The following FBXL13 variants were observed in gnomAD, a reference collection of about 807,000 sequenced individuals.
FBXL13 encodes F-box and leucine-rich repeat protein 13.
Under a neutral mutation model 83.6 loss-of-function variants are expected in FBXL13, and 67 were observed. That is an observed-to-expected ratio of 0.80 (90% confidence interval 0.66 to 0.98). The LOEUF (loss-of-function observed/expected upper bound fraction) is 0.98, where lower values mean the gene tolerates loss of function less well. FBXL13 is among the 50% of genes least tolerant of loss of function. The probability of loss-of-function intolerance (pLI) is 0.00; values close to 1 mark genes in which losing one functional copy is unlikely to be tolerated. For synonymous variants in FBXL13, 272 were observed against 299.5 expected (o/e 0.91, Z 0.95); for missense variants, 822 against 866.5 (o/e 0.95, Z 0.64).
At chr7:102,977,482 G>A (rs1827638606) in intron 6 of FBXL13, among the ~76,000 whole-genome samples, 1 of 152,130 alleles carries the variant, frequency 6.6e-6, no homozygotes, top group Non-Finnish European at 1.5e-5. Flanking sequence ...GTCCAAACCT[G>A]GAAAGGATGG....
intron 6 of FBXL13, among the ~76,000 whole-genome samples, chr7:103,009,713 A>C (rs1442152244): frequency 6.6e-6 from 1 of 152,168 alleles, no homozygotes; most frequent in Non-Finnish European, 1.5e-5. Flanking sequence ...TCCTTGCTGG[A>C]CAGGGCTAGG....
At chr7:102,934,239 G>T (rs760247467) in intron 8 of FBXL13, 2 of 1,614,178 alleles carry the variant, frequency 1.2e-6, no homozygotes, top group Non-Finnish European at 1.7e-6. Context: ...AAGCTGAAAA[G>T]CCTGGATCTG....
Position 102,880,294 on chromosome 7 carries a change from TAAAATCTTA to T in FBXL13, c.1389-1853_1389-1845del, listed in dbSNP as rs528199413. On this transcript the variant is annotated intron_variant, in intron 14 of 19. Coordinates refer to ENST00000313221, the Ensembl canonical transcript of FBXL13. ...AGGTTTAACTCTTATATGTACATAT[TAAAATCTTA>T]AAACTCTGAAATTAAGCTTAATCTT... Among the ~76,000 whole-genome samples, 30 of 152,350 alleles carry T rather than the reference TAAAATCTTA, an allele frequency of 2.0e-4. No homozygotes were observed. In the East Asian group the frequency reaches 5.6e-3, roughly 28 times the overall value.
At chr7:102,865,714 G>GTT (rs1004085694) in intron 16 of FBXL13, among the ~76,000 whole-genome samples, 2 of 143,040 alleles carry the variant, frequency 1.4e-5, no homozygotes, top group Admixed American at 7.0e-5. Flanking sequence ...GCTAATTTTT[G>GTT]TTTTTTTTTT....
chr7:102,822,095 T>C (rs771900185), exon 19 of FBXL13: 1 of 1,614,230 alleles, frequency 6.2e-7, no homozygotes, highest in South Asian at 1.1e-5. Context: ...TTGCAGCCTA[T>C]CTGAAGGTCC....
At chr7:102,936,024 C>T (rs1265644326) in intron 8 of FBXL13, among the ~76,000 whole-genome samples, 1 of 152,044 alleles carries the variant, frequency 6.6e-6, no homozygotes, top group African/African-American at 2.4e-5. Flanking sequence ...CCTTGCCCCA[C>T]TGCCCCGCTC....
chr7:102,938,535 G>A lies in FBXL13; in HGVS notation c.725-6602C>T, dbSNP rs531807242. Among the ~76,000 whole-genome samples, 6 of 152,236 alleles carry A rather than the reference G, an allele frequency of 3.9e-5. No individual in the cohort carries two copies. In the East Asian group the frequency reaches 1.2e-3, roughly 29 times the overall value. On this transcript the variant is annotated intron_variant, in intron 8 of 19. Coordinates refer to ENST00000313221, the Ensembl canonical transcript of FBXL13. ...TGGAGAAGGAGCAAGCTTGTAAGGGGTAATAATCAAGTAAATATGGTATTT... is the reference window on the plus strand; with the variant it reads ...TGGAGAAGGAGCAAGCTTGTAAGGGATAATAATCAAGTAAATATGGTATTT...
chr7:102,979,105 A>AG (rs1827870068), intron 6 of FBXL13, among the ~76,000 whole-genome samples: 1 of 152,248 alleles, frequency 6.6e-6, no homozygotes, highest in Non-Finnish European at 1.5e-5. Flanking sequence ...AGTTATTCGT[A>AG]GACAAATAGT....
intron 2 of FBXL13, among the ~76,000 whole-genome samples, chr7:103,041,505 T>G (rs1055809487): frequency 6.6e-6 from 1 of 152,112 alleles, no homozygotes; most frequent in Non-Finnish European, 1.5e-5. Context: ...AAAAGCCTGA[T>G]AGAGACAAAA....
At chr7:102,925,084 T>G (rs1817857848) in intron 10 of FBXL13, among the ~76,000 whole-genome samples, 1 of 152,216 alleles carries the variant, frequency 6.6e-6, no homozygotes, top group Non-Finnish European at 1.5e-5. Context: ...ATACCCTTCC[T>G]AACTGGCCTT....
At chr7:102,910,178 C>T (rs1814413899) in intron 11 of FBXL13, among the ~76,000 whole-genome samples, 1 of 152,094 alleles carries the variant, frequency 6.6e-6, no homozygotes, top group Non-Finnish European at 1.5e-5. Flanking sequence ...CAGGACAGCA[C>T]TAAGTTCAAT....
intron 6 of FBXL13, among the ~76,000 whole-genome samples, chr7:102,976,768 A>G (rs887137018): frequency 2.0e-5 from 3 of 151,966 alleles, no homozygotes; most frequent in South Asian, 2.1e-4. Flanking sequence ...CCAGTCACCT[A>G]CTCCGCCCAA....
chr7:103,072,432 C>T (rs537624775), intron 1 of FBXL13, among the ~76,000 whole-genome samples: 2 of 152,228 alleles, frequency 1.3e-5, no homozygotes, highest in Non-Finnish European at 2.9e-5. Flanking sequence ...TAAGGGCCTC[C>T]TCTATGGGTG....
At chr7:103,021,176 C>T (rs1271377114) in intron 6 of FBXL13, among the ~76,000 whole-genome samples, 1 of 152,092 alleles carries the variant, frequency 6.6e-6, no homozygotes, top group South Asian at 2.1e-4. Flanking sequence ...AGAAATAATG[C>T]CGCATATCTA....
intron 16 of FBXL13, among the ~76,000 whole-genome samples, chr7:102,875,777 T>C (rs2129457638): frequency 6.6e-6 from 1 of 152,262 alleles, no homozygotes; most frequent in East Asian, 1.9e-4. Flanking sequence ...ACTGTCCCTA[T>C]GCTGGAAGGA....
chr7:103,015,612 T>C (rs1033762408), intron 6 of FBXL13, among the ~76,000 whole-genome samples: 2 of 151,872 alleles, frequency 1.3e-5, no homozygotes, highest in Non-Finnish European at 2.9e-5. Context: ...GCCTGGCCAA[T>C]ATAGCTAAAC....
intron 2 of FBXL13, among the ~76,000 whole-genome samples, chr7:103,045,204 A>C (rs1453116301): frequency 6.6e-6 from 1 of 152,238 alleles, no homozygotes; most frequent in Non-Finnish European, 1.5e-5. Flanking sequence ...CACAGTTTGA[A>C]CACTCAGCAG....
intron 6 of FBXL13, among the ~76,000 whole-genome samples, chr7:103,015,166 A>G (rs1792136961): frequency 6.6e-6 from 1 of 152,130 alleles, no homozygotes; most frequent in Non-Finnish European, 1.5e-5. Context: ...AAAACCCTCA[A>G]GAAACTAGGC....
At chr7:102,894,019 A>AGAAAAGAAAGAGGAAT (rs1166433376) in intron 11 of FBXL13, among the ~76,000 whole-genome samples, 16 of 152,130 alleles carry the variant, frequency 1.1e-4, no homozygotes, top group Admixed American at 9.2e-4. Flanking sequence ...GAAAGAGGAA[A>AGAAAAGAAAGAGGAAT]GAAAAGAAAA....
Sources: gnomAD v4.1 joint callset for allele counts (sites outside exome capture counted in the v4.1 genomes callset) on GRCh38, gnomAD v4.1.1 for gene constraint, MANE v1.5 for transcripts, NCBI Gene and HGNC (gene_info 2026-07-23, HGNC 2026-07-21) for gene names.